ZMYND11: variants seen among roughly 807,000 people sequenced by gnomAD.
ZMYND11 encodes zinc finger MYND-type containing 11.
In ZMYND11, 9 loss-of-function variants were observed where a neutral mutation model predicts 84.9. The ratio of observed to expected loss-of-function variants is 0.11; its 90% CI spans 0.06 to 0.18. ZMYND11 has a LOEUF of 0.18. ZMYND11 is among the 10% of genes least tolerant of loss of function. The pLI is 1.00. For synonymous variants in ZMYND11, 250 were observed against 244.1 expected, an observed-to-expected ratio of 1.02 and a Z score of -0.23; for missense variants, 409 against 761.0, an observed-to-expected ratio of 0.54 and a Z score of 5.44.
intron 10 of ZMYND11, among the ~76,000 whole-genome samples, chr10:244,012 T>C (rs1951604283): frequency 6.6e-6 from 1 of 152,170 alleles, no homozygotes; most frequent in African/African-American, 2.4e-5. Flanking sequence ...TTTATGTAAA[T>C]AGTTCTAGAC....
chr10:238,300 T>C (rs2131707584), intron 6 of ZMYND11, among the ~76,000 whole-genome samples: 1 of 152,320 alleles, frequency 6.6e-6, no homozygotes, highest in East Asian at 1.9e-4. Flanking sequence ...TCTTAACGCT[T>C]GGTCATTATA....
At chr10:171,644 C>A (rs905094548) in intron 1 of ZMYND11, among the ~76,000 whole-genome samples, 1 of 152,094 alleles carries the variant, frequency 6.6e-6, no homozygotes, top group African/African-American at 2.4e-5. Context: ...CATGATCTTA[C>A]CAACAGATAC....
chr10:209,003 ATG>A (rs572756224), intron 2 of ZMYND11, among the ~76,000 whole-genome samples: 4 of 150,688 alleles, frequency 2.7e-5, no homozygotes, highest in South Asian at 2.1e-4. Context: ...ATTGACATTG[ATG>A]TGTGTGTGTG....
rs77556645 is a variant in ZMYND11 at position 236,429 on chromosome 10, C to T, written c.439-409C>T. 5.5e-3 allele frequency among the ~76,000 whole-genome samples: 830 copies of T among 152,238 alleles called. 8 individuals are homozygous for T. Among genetic ancestry groups the T allele is most frequent in the Non-Finnish European group, 8.3e-3 (564 of 68,014 alleles). On this transcript the variant is annotated intron_variant, in intron 4 of 14. Coordinates refer to ENST00000381604, the MANE Select transcript of ZMYND11 (RefSeq NM_001370100.5). ...CAGATTTTTAAAATTACCTTTTAAA[C>T]GAAGAATAATGTTGTATTGAAATTC...
chr10:250,368 G>A (rs1953170570), intron 14 of ZMYND11, among the ~76,000 whole-genome samples: 1 of 152,212 alleles, frequency 6.6e-6, no homozygotes, highest in South Asian at 2.1e-4. Context: ...AGTGGCTCAT[G>A]CCCGTAGTCC....
chr10:217,906 AT>A (rs1195484719), intron 3 of ZMYND11, among the ~76,000 whole-genome samples: 1 of 152,202 alleles, frequency 6.6e-6, no homozygotes, highest in African/African-American at 2.4e-5. Context: ...TGCTATGTGA[AT>A]GACAGAGACT....
intron 3 of ZMYND11, among the ~76,000 whole-genome samples, chr10:213,858 C>T (rs1945702413): frequency 6.6e-6 from 1 of 152,066 alleles, no homozygotes; most frequent in South Asian, 2.1e-4. Context: ...TTCACCTCTG[C>T]TACTTTTTTT....
At chr10:137,457 A>G (rs1306593791) in intron 1 of ZMYND11, among the ~76,000 whole-genome samples, 3 of 152,236 alleles carry the variant, frequency 2.0e-5, no homozygotes, top group Non-Finnish European at 4.4e-5. Flanking sequence ...CTGTTTGTCC[A>G]AAAGCAGAAA....
chr10:151,248 C>T (rs782762250), intron 1 of ZMYND11, among the ~76,000 whole-genome samples: 3 of 152,154 alleles, frequency 2.0e-5, no homozygotes, highest in Non-Finnish European at 4.4e-5. Context: ...AAGAAGGCTT[C>T]AGACGATCAA....
chr10:253,833 G>GAAAAGCCTTTTA lies in ZMYND11; in HGVS notation c.*1369_*1380dup, dbSNP rs1011000296. On this transcript the variant is annotated 3_prime_UTR_variant, in exon 15 of 15. Transcript: ENST00000381604. The stretch of plus-strand genomic sequence containing the variant: ...CACAATGGAAGTGAAAGAATCAGGA[G>GAAAAGCCTTTTA]AAAAGCCTTTTAAAAAGTATTCTCC... 3.3e-5 allele frequency: 5 copies of GAAAAGCCTTTTA among 152,578 alleles called. No homozygotes were observed. The highest frequency in any genetic ancestry group is 4.8e-5 in the African/African-American group (2 of 41,416). 9.5% of individuals were successfully genotyped at this position (152,578 alleles called of 1,614,324 possible). A position where few individuals can be genotyped will look rare whatever the true frequency, so the allele number is the denominator to read the frequency against.
At chr10:219,202 G>A (rs1946707789) in intron 3 of ZMYND11, among the ~76,000 whole-genome samples, 1 of 152,214 alleles carries the variant, frequency 6.6e-6, no homozygotes, top group Admixed American at 6.5e-5. Context: ...TGGGGAAAGG[G>A]TAGGGATGCA....
At chr10:172,086 C>G (rs1475357645) in intron 1 of ZMYND11, among the ~76,000 whole-genome samples, 1 of 152,162 alleles carries the variant, frequency 6.6e-6, no homozygotes, top group Non-Finnish European at 1.5e-5. Flanking sequence ...TGGCCAGGCA[C>G]GTCTCTGAAG....
At chr10:244,127 G>A (rs1951627391) in intron 10 of ZMYND11, among the ~76,000 whole-genome samples, 1 of 152,148 alleles carries the variant, frequency 6.6e-6, no homozygotes, top group South Asian at 2.1e-4. Flanking sequence ...ACAATTTGAA[G>A]TGAAGGACTG....
intron 2 of ZMYND11, among the ~76,000 whole-genome samples, chr10:197,210 C>T (rs1416753521): frequency 3.3e-5 from 5 of 149,372 alleles, no homozygotes; most frequent in Middle Eastern, 3.5e-3. Context: ...TGCCCACGTG[C>T]GCATTGTGTT....
rs528044277 is a variant in ZMYND11 at position 207,474 on chromosome 10, G to A, written c.117-2415G>A. On this transcript the variant is annotated intron_variant, in intron 2 of 14. Transcript: ENST00000381604. ...CCACCAACAGTGTAAAAGTGTTCCT[G>A]TTTCTCCACATCCTCTCCAGCACCT... Among the ~76,000 whole-genome samples the A allele has an allele frequency of 2.4e-3, 369 of 152,170 alleles. 1 individual carries two copies. Among genetic ancestry groups the A allele is most frequent in the African/African-American group, 8.3e-3 (346 of 41,516 alleles).
chr10:245,545 C>G (rs1450769353), intron 10 of ZMYND11, among the ~76,000 whole-genome samples: 1 of 152,142 alleles, frequency 6.6e-6, no homozygotes, highest in Non-Finnish European at 1.5e-5. Context: ...GTTTATAGTA[C>G]CATATCGCAA....
chr10:240,835 A>ATAGTT (rs1950773318), intron 8 of ZMYND11, 58 bp from the exon 9 acceptor site: 2 of 1,195,630 alleles, frequency 1.7e-6, no homozygotes, highest in South Asian at 1.3e-5. Context: ...TACATTTTAT[A>ATAGTT]TAGTTTAATG....
Position 242,257 on chromosome 10 carries a change from C to CGT in ZMYND11, c.950+118_950+119insGT, listed in dbSNP as rs1951123884. ...TATTTTAAATTGGAAAAAAAAAACA[C>CGT]ATTATGCATCCAAGAATACGTTCCA... is the stretch of plus-strand genomic sequence containing the variant. On this transcript the variant is annotated intron_variant, in intron 10 of 14. Coordinates refer to ENST00000381604, the MANE Select transcript of ZMYND11 (RefSeq NM_001370100.5). 8 of 1,342,572 alleles carry CGT rather than the reference C, an allele frequency of 6.0e-6. No homozygotes were observed. The East Asian group carries it at 1.9e-4, about 32-fold the overall frequency. 83.2% of individuals were successfully genotyped at this position (1,342,572 alleles called of 1,614,324 possible). A position where few individuals can be genotyped will look rare whatever the true frequency, so the allele number is the denominator to read the frequency against.
At position 248,386 on chromosome 10, in the gene ZMYND11, G is replaced by T; in HGVS notation, c.1278G>T (p.Thr426=). 6.2e-7 allele frequency: 1 copy of T among 1,614,132 alleles called. No individual in the cohort carries two copies. Among genetic ancestry groups the T allele is most frequent in the South Asian group, 1.1e-5 (1 of 91,086 alleles). The change falls in exon 13 of 15, where the codon ACG becomes ACT. Residue 426 remains threonine (T), a synonymous_variant. Transcript: ENST00000381604. Reference sequence around the variant, plus strand: ...TAAGTTCTAGCCAGGAAATACCCACGATGCCTCAGCCCATCGAAAAAGTCT... The same window carrying T: ...TAAGTTCTAGCCAGGAAATACCCACTATGCCTCAGCCCATCGAAAAAGTCT... ...EAVSSSQEIP[T]MPQPIEKVSV...
Sources: allele counts gnomAD v4.1 joint callset (sites outside exome capture counted in the v4.1 genomes callset), GRCh38; gene constraint gnomAD v4.1.1; transcripts MANE v1.5; gene names NCBI Gene and HGNC (gene_info 2026-07-23, HGNC 2026-07-21).